Variants in IFT88 observed in about 807,000 individuals in gnomAD.
IFT88 encodes the protein intraflagellar transport protein 88 homolog.
In IFT88, 74 loss-of-function variants were observed where a neutral mutation model predicts 119.5. That is an observed-to-expected ratio of 0.62 (90% confidence interval 0.51 to 0.75). The LOEUF (loss-of-function observed/expected upper bound fraction) is 0.75. Ranked by LOEUF, IFT88 falls within the 30% of genes least tolerant of loss-of-function variation. IFT88 has a pLI of 0.00. For synonymous variants in IFT88, 279 were observed against 316.7 expected, an observed-to-expected ratio of 0.88 and a Z score of 1.26; for missense variants, 961 against 977.7, an observed-to-expected ratio of 0.98 and a Z score of 0.23.
At chr13:20,621,551 A>G (rs1175658448) in intron 14 of IFT88, among the ~76,000 whole-genome samples, 1 of 150,272 alleles carries the variant, frequency 6.7e-6, no homozygotes, top group Admixed American at 6.6e-5. Context: ...AAAAAAAAAA[A>G]AAAAAAGACT....
chr13:20,657,232 T>C (rs1267546138), intron 22 of IFT88, among the ~76,000 whole-genome samples: 1 of 152,258 alleles, frequency 6.6e-6, no homozygotes, highest in Admixed American at 6.5e-5. Context: ...AAGTTATCTT[T>C]GTAGAAGATA....
intron 23 of IFT88, 37 bp from the exon 24 acceptor site, chr13:20,670,936 C>A: frequency 1.3e-6 from 2 of 1,568,416 alleles, no homozygotes; most frequent in Non-Finnish European, 8.8e-7. Context: ...GAAGGAATAG[C>A]ACTTATTCTT....
intron 15 of IFT88, among the ~76,000 whole-genome samples, chr13:20,626,847 T>C (rs773730016): frequency 2.6e-5 from 4 of 152,164 alleles, no homozygotes; most frequent in Non-Finnish European, 5.9e-5. Flanking sequence ...TGTCATTATA[T>C]GTCAGCAACT....
intron 3 of IFT88, among the ~76,000 whole-genome samples, chr13:20,587,765 T>G (rs543842138): frequency 6.6e-6 from 1 of 152,314 alleles, no homozygotes; most frequent in Non-Finnish European, 1.5e-5. Context: ...ATTAATATGT[T>G]GTTATAGCTA....
chr13:20,658,611 C>T (rs2314239), intron 22 of IFT88, among the ~76,000 whole-genome samples: 6,546 of 152,260 alleles, frequency 0.043, 184 homozygotes, highest in Middle Eastern at 0.075. Context: ...AAGAGTTTCT[C>T]GGCCTTGGCA....
chr13:20,649,668 G>A (rs2051299168), intron 20 of IFT88, among the ~76,000 whole-genome samples: 1 of 151,954 alleles, frequency 6.6e-6, no homozygotes, highest in Admixed American at 6.6e-5. Flanking sequence ...AAATAAAATA[G>A]AGAATAGAAA....
At chr13:20,623,567 C>T (rs902094241) in intron 14 of IFT88, among the ~76,000 whole-genome samples, 8 of 152,050 alleles carry the variant, frequency 5.3e-5, no homozygotes, top group African/African-American at 1.5e-4. Context: ...CTCCGCCTCC[C>T]GGGTTCACGC....
chr13:20,655,087 C>T (rs1056268000), intron 21 of IFT88, among the ~76,000 whole-genome samples: 2 of 152,116 alleles, frequency 1.3e-5, no homozygotes, highest in African/African-American at 4.8e-5. Context: ...CTACATGAAG[C>T]TAAATTATTT....
chr13:20,591,819 C>T (rs1002024335), intron 6 of IFT88, 138 bp downstream of exon 6: 12 of 590,556 alleles, frequency 2.0e-5, no homozygotes, highest in African/African-American at 3.9e-5. Context: ...TTTTAGGTAC[C>T]ATTAAGAAAG....
chr13:20,583,649 TCTTTA>T (rs2039126291), intron 3 of IFT88, among the ~76,000 whole-genome samples: 2 of 152,338 alleles, frequency 1.3e-5, no homozygotes, highest in African/African-American at 4.8e-5. Flanking sequence ...CAATTGTCCA[TCTTTA>T]CTTGTGTTGC....
chr13:20,648,457 A>G (rs562429334), intron 20 of IFT88, among the ~76,000 whole-genome samples: 126 of 152,328 alleles, frequency 8.3e-4, no homozygotes, highest in African/African-American at 2.9e-3. Context: ...TATAAGTTTC[A>G]GATGTTAATT....
intron 16 of IFT88, among the ~76,000 whole-genome samples, chr13:20,634,846 C>T (rs375312943): frequency 2.7e-5 from 4 of 150,628 alleles, no homozygotes; most frequent in Admixed American, 6.6e-5. Flanking sequence ...ATGTGTACAA[C>T]GTGCAGGTTT....
intron 23 of IFT88, among the ~76,000 whole-genome samples, chr13:20,669,570 C>T (rs887167625): frequency 7.9e-5 from 12 of 152,040 alleles, no homozygotes; most frequent in African/African-American, 2.9e-4. Context: ...ATTACAGGCG[C>T]CTGCCACCAC....
At chr13:20,618,357 A>G (rs756319958) in intron 14 of IFT88, among the ~76,000 whole-genome samples, 4 of 152,096 alleles carry the variant, frequency 2.6e-5, no homozygotes, top group African/African-American at 4.8e-5. Flanking sequence ...TGGAGTGAGT[A>G]TTTACATTTG....
chr13:20,607,845 G>A (rs1330217551), intron 13 of IFT88: 2 of 727,170 alleles, frequency 2.8e-6, no homozygotes, highest in Non-Finnish European at 5.2e-6. Flanking sequence ...TCATCACAGT[G>A]TCCCTGATCA....
At chr13:20,576,985 C>T (rs1407252374) in intron 2 of IFT88, among the ~76,000 whole-genome samples, 2 of 152,124 alleles carry the variant, frequency 1.3e-5, no homozygotes, top group Non-Finnish European at 2.9e-5. Flanking sequence ...ATTGGTTTTT[C>T]CAATCTATGA....
chr13:20,684,413 C>G (rs1335096694), intron 24 of IFT88, among the ~76,000 whole-genome samples: 1 of 152,168 alleles, frequency 6.6e-6, no homozygotes, highest in Non-Finnish European at 1.5e-5. Context: ...CAAACCTGCT[C>G]TGTCATCTCT....
intron 20 of IFT88, among the ~76,000 whole-genome samples, chr13:20,647,906 C>T (rs551322925): frequency 6.6e-6 from 1 of 152,266 alleles, no homozygotes; most frequent in Admixed American, 6.5e-5. Flanking sequence ...ACATTATGAT[C>T]AAACTGTCCA....
At chr13:20,664,795 A>G (rs1436658210) in intron 23 of IFT88, among the ~76,000 whole-genome samples, 2 of 152,202 alleles carry the variant, frequency 1.3e-5, no homozygotes, top group Non-Finnish European at 2.9e-5. Flanking sequence ...AAGAAATAAT[A>G]GAGACTGGGC....
Sources: allele counts gnomAD v4.1 joint callset (sites outside exome capture counted in the v4.1 genomes callset), GRCh38; gene constraint gnomAD v4.1.1; transcripts MANE v1.5; gene names NCBI Gene and HGNC (gene_info 2026-07-23, HGNC 2026-07-21).